CCNB3: variants seen among roughly 807,000 people sequenced by gnomAD.
CCNB3 encodes G2/mitotic-specific cyclin-B3.
CCNB3 carries 12 observed loss-of-function variants against 68.0 expected under a neutral mutation model. The ratio of observed to expected loss-of-function variants is 0.18; its 90% CI spans 0.11 to 0.29. The LOEUF (loss-of-function observed/expected upper bound fraction) is 0.29, where lower values mean the gene tolerates loss of function less well. Ranked by LOEUF, CCNB3 falls within the 10% of genes least tolerant of loss-of-function variation. CCNB3 has a pLI of 1.00. For missense variants in CCNB3, 904 were observed against 993.1 expected, an observed-to-expected ratio of 0.91 and a Z score of 1.21; for synonymous variants, 354 against 388.9, an observed-to-expected ratio of 0.91 and a Z score of 1.06.
Position 50,351,766 on chromosome X carries a change from C to G in CCNB3, c.*63C>G, listed in dbSNP as rs1923697123. ...ATATTTATTCTATGTTCGAATTTGT[C>G]TTTTGATCGCTTTTATTCATTTTTC... On this transcript the variant is annotated 3_prime_UTR_variant, in exon 13 of 13. Coordinates refer to ENST00000376042, the MANE Select transcript of CCNB3 (RefSeq NM_033031.3). The G allele has an allele frequency of 2.5e-6, 2 of 797,676 alleles. No homozygotes were observed. Among genetic ancestry groups the G allele is most frequent in the Non-Finnish European group, 1.8e-6 (1 of 557,606 alleles). 65.7% of individuals were successfully genotyped at this position (797,676 alleles called of 1,213,427 possible).
At chrX:50,208,360 C>A (rs1407130849) in intron 1 of CCNB3, among the ~76,000 whole-genome samples, 6 of 112,289 alleles carry the variant, frequency 5.3e-5, no homozygotes, top group Non-Finnish European at 1.1e-4. Context: ...GATATGTTAA[C>A]CCTGAACCAC....
At chrX:50,328,183 GTGT>G (rs1233998065) in intron 8 of CCNB3, among the ~76,000 whole-genome samples, 1 of 112,638 alleles carries the variant, frequency 8.9e-6, no homozygotes, top group African/African-American at 3.2e-5. Flanking sequence ...TAAAGAATTG[GTGT>G]TGTTGTAAGG....
chrX:50,334,904 A>G (rs1388041677), intron 8 of CCNB3, among the ~76,000 whole-genome samples: 6 of 112,122 alleles, frequency 5.4e-5, no homozygotes, highest in Admixed American at 4.7e-4. Context: ...GGTAGGCTGC[A>G]GATGACCTGC....
intron 1 of CCNB3, among the ~76,000 whole-genome samples, chrX:50,228,184 A>T (rs1240137663): frequency 1.1e-5 from 1 of 92,219 alleles, no homozygotes; most frequent in Admixed American, 1.4e-4. Context: ...AAATACATAT[A>T]CATAGAATAC....
In CCNB3 at chrX:50,282,363, G is replaced by A. The variant is rs146890315; in HGVS notation, c.-112-2179G>A. Among the ~76,000 whole-genome samples, 804 of 111,332 alleles carry A rather than the reference G, an allele frequency of 7.2e-3. 43 individuals carry two copies. The East Asian group carries it at 0.18, about 26-fold the overall frequency. ...TTCTCTCCCCAGAGCCTTGCTGTCT[G>A]TAACCTGCCTTTATATAAAAAATGA... On this transcript the variant is annotated intron_variant, in intron 1 of 12. Transcript: ENST00000376042.
chrX:50,298,200 G>C (rs1402190601), intron 5 of CCNB3, among the ~76,000 whole-genome samples: 4 of 111,557 alleles, frequency 3.6e-5, no homozygotes, highest in Non-Finnish European at 7.5e-5. Context: ...GGGCATCCCT[G>C]TCTTGTGCCA....
At chrX:50,349,744 T>C (rs1923573195) in intron 11 of CCNB3, among the ~76,000 whole-genome samples, 1 of 112,054 alleles carries the variant, frequency 8.9e-6, no homozygotes, top group African/African-American at 3.2e-5. Flanking sequence ...CAGAATTCTC[T>C]CAGGGACCAT....
chrX:50,330,166 T>C (rs1002896515), intron 8 of CCNB3, among the ~76,000 whole-genome samples: 42 of 111,711 alleles, frequency 3.8e-4, no homozygotes, highest in African/African-American at 1.4e-3. Context: ...GGGGTCTGCA[T>C]GAGAGGGTCG....
chrX:50,212,757 A>G (rs1178737406), intron 1 of CCNB3, among the ~76,000 whole-genome samples: 1 of 111,470 alleles, frequency 9.0e-6, no homozygotes, highest in Non-Finnish European at 1.9e-5. Flanking sequence ...TGGATATTCA[A>G]TATAAATTGA....
intron 5 of CCNB3, among the ~76,000 whole-genome samples, chrX:50,300,250 A>G (rs1338545100): frequency 9.0e-6 from 1 of 111,408 alleles, no homozygotes; most frequent in East Asian, 2.8e-4. Context: ...ACAATTTGGC[A>G]TGTTTTTGCA....
At chrX:50,226,017 TACAA>T (rs1935752802) in intron 1 of CCNB3, among the ~76,000 whole-genome samples, 21 of 92,736 alleles carry the variant, frequency 2.3e-4, no homozygotes, top group African/African-American at 7.7e-4. Flanking sequence ...ATAGAATATA[TACAA>T]AAATATATAT....
intron 5 of CCNB3, among the ~76,000 whole-genome samples, chrX:50,295,446 C>T (rs1936436408): frequency 9.0e-6 from 1 of 111,331 alleles, no homozygotes; most frequent in Non-Finnish European, 1.9e-5. Context: ...ATGTGGTTTT[C>T]AGCTGTTACA....
chrX:50,289,041 C>T (rs1212622651), intron 4 of CCNB3, among the ~76,000 whole-genome samples, 154 bp downstream of exon 4: 1 of 111,869 alleles, frequency 8.9e-6, no homozygotes, highest in Non-Finnish European at 1.9e-5. Flanking sequence ...ACTGCAGGGG[C>T]TCTGTTCCTG....
intron 8 of CCNB3, among the ~76,000 whole-genome samples, chrX:50,321,110 A>G (rs1350311818): frequency 8.9e-6 from 1 of 111,834 alleles, no homozygotes; most frequent in Non-Finnish European, 1.9e-5. Context: ...GGATTATTAG[A>G]TCAAAAGATG....
intron 3 of CCNB3, among the ~76,000 whole-genome samples, chrX:50,286,660 GT>G (rs1272584173): frequency 2.9e-5 from 2 of 68,033 alleles, no homozygotes; most frequent in African/African-American, 1.1e-4. Flanking sequence ...TTGTTTGTTT[GT>G]TTTTTTTGAG....
chrX:50,314,215 G>A (rs1557215478), intron 8 of CCNB3, among the ~76,000 whole-genome samples: 1 of 112,102 alleles, frequency 8.9e-6, no homozygotes, highest in African/African-American at 3.2e-5. Context: ...TCTAGAAAAG[G>A]CAGTGACGGT....
intron 8 of CCNB3, among the ~76,000 whole-genome samples, chrX:50,333,409 G>T (rs782381977): frequency 9.8e-5 from 11 of 111,794 alleles, no homozygotes; most frequent in Non-Finnish European, 1.9e-4. Flanking sequence ...AAAAGGAGCC[G>T]CTCCATAAGC....
Position 50,279,962 on chromosome X carries a change from G to T in CCNB3, c.-112-4580G>T, listed in dbSNP as rs1292171635. ...TTTATAATATATATAGAATATATGA[G>T]TATATATATAATATATGTAGAATAT... On this transcript the variant is annotated intron_variant, in intron 1 of 12. Coordinates refer to ENST00000376042, the MANE Select transcript of CCNB3 (RefSeq NM_033031.3). Among the ~76,000 whole-genome samples the T allele has an allele frequency of 4.7e-4, 37 of 79,211 alleles. No individual in the cohort carries two copies. In the East Asian group the frequency reaches 0.013, roughly 28 times the overall value. 68.8% of individuals were successfully genotyped at this position (79,211 alleles called of 115,157 possible). A position where few individuals can be genotyped will look rare whatever the true frequency, so the allele number is the denominator to read the frequency against.
At chrX:50,325,102 A>G (rs2147080652) in intron 8 of CCNB3, among the ~76,000 whole-genome samples, 1 of 111,185 alleles carries the variant, frequency 9.0e-6, no homozygotes, top group South Asian at 3.8e-4. Flanking sequence ...CATTATATCA[A>G]TTTTGGCTTA....
Sources: gnomAD v4.1 joint callset for allele counts (sites outside exome capture counted in the v4.1 genomes callset) on GRCh38, gnomAD v4.1.1 for gene constraint, MANE v1.5 for transcripts, NCBI Gene and HGNC (gene_info 2026-07-23, HGNC 2026-07-21) for gene names.